OTOGL: variants seen among roughly 807,000 people sequenced by gnomAD.
OTOGL encodes otogelin-like protein.
In OTOGL, 285 loss-of-function variants were observed where a neutral mutation model predicts 318.5. The ratio of observed to expected loss-of-function variants is 0.89; its 90% confidence interval spans 0.81 to 0.99. OTOGL has a LOEUF of 0.99. Among genes scored for constraint, OTOGL ranks in the 50% least tolerant of loss-of-function variants. The pLI is 0.00. For synonymous variants in OTOGL, 987 were observed against 936.5 expected (o/e 1.05, Z -0.99); for missense variants, 2,899 against 2,845.6 (o/e 1.02, Z -0.43).
intron 1 of OTOGL, among the ~76,000 whole-genome samples, chr12:80,142,690 G>T (rs1389054759): frequency 2.6e-5 from 4 of 152,198 alleles, no homozygotes; most frequent in Middle Eastern, 3.4e-3. Context: ...GCCTGTGTCT[G>T]TTCCCTTCTG....
chr12:80,258,566 G>A (rs181126667), intron 18 of OTOGL, among the ~76,000 whole-genome samples: 3 of 152,156 alleles, frequency 2.0e-5, no homozygotes, highest in African/African-American at 7.2e-5. Flanking sequence ...TATTGACCAG[G>A]TACTTTTCAC....
chr12:80,254,951 G>A (rs1291665778), intron 15 of OTOGL, 89 bp from the exon 16 acceptor site: 2 of 1,107,598 alleles, frequency 1.8e-6, no homozygotes, highest in Non-Finnish European at 2.4e-6. Flanking sequence ...TGCTTTTAAA[G>A]GATTAACCTA....
intron 8 of OTOGL, 116 bp downstream of exon 8, chr12:80,229,494 C>A (rs1879176192): frequency 2.3e-6 from 3 of 1,320,616 alleles, no homozygotes; most frequent in Admixed American, 4.3e-5. Context: ...TTCAACAATA[C>A]TCTTAAAGCT....
At chr12:80,161,739 T>C (rs1266932656) in intron 1 of OTOGL, among the ~76,000 whole-genome samples, 2 of 152,060 alleles carry the variant, frequency 1.3e-5, no homozygotes, top group African/African-American at 4.8e-5. Context: ...ATTTTTAAGC[T>C]AGGACATACG....
intron 26 of OTOGL, among the ~76,000 whole-genome samples, chr12:80,285,152 T>A (rs1884518299): frequency 6.6e-6 from 1 of 152,176 alleles, no homozygotes; most frequent in African/African-American, 2.4e-5. Flanking sequence ...CCCTATTGCT[T>A]GTTTTTGTCA....
chr12:80,154,495 T>C (rs1166568636), intron 1 of OTOGL, among the ~76,000 whole-genome samples: 2 of 152,184 alleles, frequency 1.3e-5, no homozygotes, highest in African/African-American at 4.8e-5. Flanking sequence ...TTTACTTCCA[T>C]GTTCGTCCTA....
chr12:80,211,003 G>A (rs1592550668), intron 3 of OTOGL, 117 bp downstream of exon 3: 1 of 607,766 alleles, frequency 1.6e-6, no homozygotes, highest in East Asian at 3.5e-5. Context: ...TTACAAAAAA[G>A]CATGAAATAT....
intron 26 of OTOGL, among the ~76,000 whole-genome samples, chr12:80,285,197 G>A (rs371071449): frequency 3.3e-5 from 5 of 152,102 alleles, no homozygotes; most frequent in Admixed American, 6.6e-5. Context: ...TAGATATGTG[G>A]CATTATTTCC....
chr12:80,178,061 C>CTTTTTTTTTTTTTTTTTTT (rs71094968), intron 1 of OTOGL, among the ~76,000 whole-genome samples: 2 of 74,920 alleles, frequency 2.7e-5, no homozygotes, highest in Non-Finnish European at 5.2e-5. Context: ...TTCTTTCTTT[C>CTTTTTTTTTTTTTTTTTTT]TTTTTTTTTT....
chr12:80,305,804 T>G, intron 29 of OTOGL, 109 bp downstream of exon 29: 1 of 894,424 alleles, frequency 1.1e-6, no homozygotes. Flanking sequence ...ACTATTTTCA[T>G]AGTAATTTAT....
intron 9 of OTOGL, among the ~76,000 whole-genome samples, chr12:80,238,231 A>G (rs1880039167): frequency 6.6e-6 from 1 of 152,124 alleles, no homozygotes; most frequent in Non-Finnish European, 1.5e-5. Context: ...CTCAGTAGGG[A>G]TGTCTTTCCT....
chr12:80,256,315 T>G, intron 16 of OTOGL, 22 bp from the exon 17 acceptor site: 1 of 1,588,416 alleles, frequency 6.3e-7, no homozygotes, highest in Non-Finnish European at 8.5e-7. Flanking sequence ...TTCCTTGCAT[T>G]GATAATTTGA....
Position 80,335,966 on chromosome 12 carries a change from C to T in OTOGL, c.4426C>T (p.Gln1476Ter). Residue 1476 changes from glutamine (Q) to a stop codon, truncating the protein, a stop_gained, in exon 39 of 59, where the codon CAG becomes TAG. Coordinates refer to ENST00000547103, the MANE Select transcript of OTOGL (RefSeq NM_001378609.3). LOFTEE classifies it high-confidence loss of function. ...TPTTGLECEP[Q>*]KFDPVYDCSQ... ...ACTAATCTTTTTTTATTAACAGCCT[C>T]AGAAATTTGATCCTGTTTATGATTG... 1 of 1,528,738 alleles carries T rather than the reference C, an allele frequency of 6.5e-7. No individual in the cohort carries two copies. The highest frequency in any genetic ancestry group is 8.7e-7 in the Non-Finnish European group (1 of 1,143,616). The allele number at this position is 1,528,738 out of a possible 1,614,324, so 94.7% of individuals were successfully genotyped here.
chr12:80,210,788 A>G (rs1877186474), intron 2 of OTOGL, 59 bp from the exon 3 acceptor site: 2 of 1,140,720 alleles, frequency 1.8e-6, no homozygotes, highest in Non-Finnish European at 2.4e-6. Flanking sequence ...AACAACTGGA[A>G]CATGTAGCCA....
chr12:80,266,468 G>A lies in OTOGL; in HGVS notation c.2242G>A (p.Gly748Ser). The A allele has an allele frequency of 1.2e-6, 2 of 1,613,516 alleles. No individual in the cohort carries two copies. Among genetic ancestry groups the A allele is most frequent in the Non-Finnish European group, 1.7e-6 (2 of 1,179,702 alleles). Residue 748 changes from glycine to serine, a missense_variant, in exon 21 of 59, where the codon GGC (glycine) becomes AGC (serine). By Grantham distance (56) the Gly-to-Ser change is moderately conservative. Around this residue, in one of 3 missense-constraint regions of OTOGL, gnomAD observed 2,607 missense variants for 2,524.9 expected, o/e 1.03. Transcript: ENST00000547103. ...ISFCAVVCQK[G>S]MLYHHCSSFC... ...GTCCTTAGCTGTGGTGTGCCAGAAG[G>A]GCATGCTGTACCATCACTGTTCCTC...
At chr12:80,361,926 A>G (rs1357100192) in intron 52 of OTOGL, among the ~76,000 whole-genome samples, 1 of 152,156 alleles carries the variant, frequency 6.6e-6, no homozygotes, top group Non-Finnish European at 1.5e-5. Context: ...CTCACTCTAT[A>G]GGTTGTCTCT....
chr12:80,114,818 C>A (rs1413873166), intron 1 of OTOGL, among the ~76,000 whole-genome samples: 1 of 151,784 alleles, frequency 6.6e-6, no homozygotes, highest in Non-Finnish European at 1.5e-5. Flanking sequence ...TGTTCCTTTT[C>A]ATTTTTTTTT....
At chr12:80,143,575 T>A (rs1872096753) in intron 1 of OTOGL, among the ~76,000 whole-genome samples, 1 of 150,772 alleles carries the variant, frequency 6.6e-6, no homozygotes, top group African/African-American at 2.4e-5. Context: ...TATAGTTCCC[T>A]GCACAAAATT....
chr12:80,170,149 G>C (rs1185795376), intron 1 of OTOGL, among the ~76,000 whole-genome samples: 1 of 151,542 alleles, frequency 6.6e-6, no homozygotes, highest in African/African-American at 2.4e-5. Context: ...CAGTTGCTCT[G>C]CATCCTTGCC....
Sources: gnomAD v4.1 joint callset for allele counts (sites outside exome capture counted in the v4.1 genomes callset) on GRCh38, gnomAD v4.1.1 for gene constraint, gnomAD v4.1.1 regional missense constraint, MANE v1.5 for transcripts, NCBI Gene and HGNC (gene_info 2026-07-23, HGNC 2026-07-21) for gene names.